The following DDX10 variants were observed in gnomAD, a reference collection of about 807,000 sequenced individuals.
DDX10 encodes the protein DEAD-box helicase 10, also known as probable ATP-dependent RNA helicase DDX10.
Under a neutral mutation model 104.3 loss-of-function variants are expected in DDX10, and 74 were observed. The observed-to-expected ratio is 0.71, with a 90% confidence interval of 0.59 to 0.86. DDX10 has a LOEUF of 0.86. Among genes scored for constraint, DDX10 ranks in the 40% least tolerant of loss-of-function variants. The probability of loss-of-function intolerance (pLI) is 0.00; values close to 1 mark genes in which losing one functional copy is unlikely to be tolerated. For synonymous variants in DDX10, 351 were observed against 353.4 expected (o/e 0.99, Z 0.08); for missense variants, 952 against 1,040.0 (o/e 0.92, Z 1.16).
chr11:108,693,351 T>C (rs186583559), intron 8 of DDX10, among the ~76,000 whole-genome samples, 165 bp from the exon 9 acceptor site: 11 of 152,358 alleles, frequency 7.2e-5, no homozygotes, highest in Admixed American at 2.0e-4. Flanking sequence ...AAATGTTTAC[T>C]ATCTCTTGGT....
intron 13 of DDX10, among the ~76,000 whole-genome samples, chr11:108,732,821 G>A (rs2094313907): frequency 6.6e-6 from 1 of 152,216 alleles, no homozygotes; most frequent in Non-Finnish European, 1.5e-5. Context: ...TGTTAGATAA[G>A]AGCATGAACA....
chr11:108,921,155 T>C (rs1863820489), intron 17 of DDX10: 1 of 152,260 alleles, frequency 6.6e-6, no homozygotes, highest in African/African-American at 2.4e-5. Flanking sequence ...CCTACATCTG[T>C]AATTTCTATT....
At chr11:108,726,266 A>G (rs943755426) in intron 13 of DDX10, among the ~76,000 whole-genome samples, 1 of 152,102 alleles carries the variant, frequency 6.6e-6, no homozygotes, top group Non-Finnish European at 1.5e-5. Context: ...TACTTCGTAT[A>G]AAAAGCTTGC....
At chr11:108,898,114 T>C (rs1863465027) in intron 16 of DDX10, among the ~76,000 whole-genome samples, 1 of 152,068 alleles carries the variant, frequency 6.6e-6, no homozygotes, top group East Asian at 1.9e-4. Flanking sequence ...ATACAGTGCC[T>C]CCAGTATCCC....
chr11:108,678,475 T>C (rs751706742), intron 5 of DDX10, 40 bp downstream of exon 5: 1 of 1,482,920 alleles, frequency 6.7e-7, no homozygotes, highest in Non-Finnish European at 9.1e-7. Context: ...AAAAAAAAGC[T>C]CAGACTTAGG....
At chr11:108,762,858 G>T (rs866984132) in intron 13 of DDX10, among the ~76,000 whole-genome samples, 1 of 151,952 alleles carries the variant, frequency 6.6e-6, no homozygotes, top group Admixed American at 6.6e-5. Flanking sequence ...TTCCTTTCTC[G>T]GACAATAATA....
intron 15 of DDX10, among the ~76,000 whole-genome samples, chr11:108,845,614 T>A (rs1030505486): frequency 1.3e-5 from 2 of 152,182 alleles, no homozygotes; most frequent in African/African-American, 4.8e-5. Context: ...ACGAAACTTT[T>A]GACCCAAAGT....
intron 16 of DDX10, among the ~76,000 whole-genome samples, chr11:108,885,357 C>CTTT (rs5794610): frequency 9.7e-6 from 1 of 103,124 alleles, no homozygotes; most frequent in South Asian, 3.5e-4. Flanking sequence ...TTCATTGTCA[C>CTTT]TTTTTTTTTT....
At chr11:108,797,924 C>A (rs1478585684) in intron 13 of DDX10, among the ~76,000 whole-genome samples, 1 of 152,160 alleles carries the variant, frequency 6.6e-6, no homozygotes, top group African/African-American at 2.4e-5. Flanking sequence ...AGTAATGATC[C>A]CAAGGGAGCA....
intron 9 of DDX10, among the ~76,000 whole-genome samples, chr11:108,697,730 A>G (rs1298400474): frequency 1.3e-5 from 2 of 152,198 alleles, no homozygotes; most frequent in Admixed American, 6.5e-5. Context: ...TGTCACTTTA[A>G]AAAGCAATTC....
chr11:108,836,048 G>A (rs78551674), intron 13 of DDX10, among the ~76,000 whole-genome samples: 3,175 of 152,078 alleles, frequency 0.021, 112 homozygotes, highest in African/African-American at 0.07. Context: ...TCCAGACCTT[G>A]GTGTTTTTCT....
At chr11:108,693,243 CTGTT>C (rs1195951637) in intron 8 of DDX10, among the ~76,000 whole-genome samples, 1 of 152,208 alleles carries the variant, frequency 6.6e-6, no homozygotes, top group Non-Finnish European at 1.5e-5. Context: ...GGGTATTTCA[CTGTT>C]TGTCCGACAC....
intron 2 of DDX10, among the ~76,000 whole-genome samples, chr11:108,673,926 T>C (rs1465907230): frequency 6.6e-6 from 1 of 152,208 alleles, no homozygotes; most frequent in Non-Finnish European, 1.5e-5. Context: ...GTTGGTGGCA[T>C]TGGTTTCCTC....
chr11:108,828,157 A>G (rs1382328781), intron 13 of DDX10, among the ~76,000 whole-genome samples: 1 of 151,500 alleles, frequency 6.6e-6, no homozygotes, highest in Non-Finnish European at 1.5e-5. Flanking sequence ...TTTGTTTTTA[A>G]TTTTTTTTTA....
chr11:108,721,071 C>T (rs938628742), intron 12 of DDX10, among the ~76,000 whole-genome samples: 7 of 152,072 alleles, frequency 4.6e-5, no homozygotes, highest in African/African-American at 1.7e-4. Context: ...TATGTGATTA[C>T]AAGGCAAGGT....
At chr11:108,781,409 T>C (rs1212096395) in intron 13 of DDX10, among the ~76,000 whole-genome samples, 1 of 152,208 alleles carries the variant, frequency 6.6e-6, no homozygotes, top group African/African-American at 2.4e-5. Flanking sequence ...TCTATTTTCC[T>C]CTGGGTATGA....
intron 13 of DDX10, among the ~76,000 whole-genome samples, chr11:108,796,132 C>T: frequency 6.6e-6 from 1 of 152,152 alleles, no homozygotes; most frequent in East Asian, 1.9e-4. Context: ...TCCTTTAATG[C>T]CTGTATGATC....
At chr11:108,781,283 C>CA (rs2094377772) in intron 13 of DDX10, among the ~76,000 whole-genome samples, 1 of 152,010 alleles carries the variant, frequency 6.6e-6, no homozygotes, top group South Asian at 2.1e-4. Context: ...GTATATGTGC[C>CA]ATATTTTCTT....
At chr11:108,798,916 C>T (rs1046550505) in intron 13 of DDX10, among the ~76,000 whole-genome samples, 14 of 151,772 alleles carry the variant, frequency 9.2e-5, no homozygotes, top group Admixed American at 5.9e-4. Context: ...TGTTTGAAAT[C>T]CTGATAACCC....
Sources: allele counts gnomAD v4.1 joint callset (sites outside exome capture counted in the v4.1 genomes callset), GRCh38; gene constraint gnomAD v4.1.1; transcripts MANE v1.5; gene names NCBI Gene and HGNC (gene_info 2026-07-23, HGNC 2026-07-21).